Variants in TCF20 observed in about 807,000 individuals in gnomAD.
TCF20 encodes SPRE-binding protein.
Under a neutral mutation model 148.6 loss-of-function variants are expected in TCF20, and 3 were observed. That is an observed-to-expected ratio of 0.02 (90% CI 0.01 to 0.05). TCF20 has a LOEUF of 0.05. Ranked by LOEUF, TCF20 falls within the 10% of genes least tolerant of loss-of-function variation. The pLI is 1.00. For missense variants in TCF20, 2,350 were observed against 2,429.3 expected, an observed-to-expected ratio of 0.97 and a Z score of 0.69; for synonymous variants, 1,049 against 909.5, an observed-to-expected ratio of 1.15 and a Z score of -2.76.
intron 2 of TCF20, among the ~76,000 whole-genome samples, chr22:42,209,076 G>T (rs1007599378): frequency 6.6e-6 from 1 of 152,202 alleles, no homozygotes; most frequent in African/African-American, 2.4e-5. Context: ...GCAAGACAGT[G>T]AGAGAAAAAT....
chr22:42,194,416 T>C (rs1257773074), intron 2 of TCF20, among the ~76,000 whole-genome samples: 4 of 152,170 alleles, frequency 2.6e-5, no homozygotes, highest in Admixed American at 6.5e-5. Flanking sequence ...ACTAAAACAT[T>C]AGTAGTTGAT....
In TCF20 at chr22:42,211,380, T is replaced by C. The variant is rs1484236069; in HGVS notation, c.3926A>G (p.Lys1309Arg). 1.9e-6 allele frequency: 3 copies of C among 1,614,110 alleles called. No homozygotes were observed. Among genetic ancestry groups the C allele is most frequent in the Non-Finnish European group, 2.5e-6 (3 of 1,180,050 alleles). Residue 1309 changes from lysine to arginine, a missense_variant, in exon 2 of 6, where the codon AAG becomes AGG. Lys to Arg is a conservative substitution (Grantham distance 26). Transcript: ENST00000677622. ...YAHLSHSQDI[K>R]SIPKRDSSKD... ...GGAGGAATCTCTCTTAGGGATAGAC[T>C]TGATATCCTGACTGTGAGAAAGATG...
At chr22:42,233,480 T>C (rs564508309) in intron 1 of TCF20, among the ~76,000 whole-genome samples, 2 of 152,342 alleles carry the variant, frequency 1.3e-5, no homozygotes, top group South Asian at 4.1e-4. Context: ...TCCTTCTGCG[T>C]GAATAATACC....
In TCF20 at chr22:42,211,169, C is replaced by G; in HGVS notation, c.4137G>C (p.Thr1379=). ...AAGACAGTATATCATCAAGCGTAAC[C>G]GTGTCTCCCCCAGCCTCCGCACTGT... The part of the protein sequence containing the change: ...SSNSAEAGGD[T]VTLDDILSLK... The change falls in exon 2 of 6, where the codon ACG becomes ACC. Residue 1379 remains threonine (T), a synonymous_variant. Transcript: ENST00000677622. 1 of 1,614,162 alleles carries G rather than the reference C, an allele frequency of 6.2e-7. No individual in the cohort carries two copies. The highest frequency in any genetic ancestry group is 8.5e-7 in the Non-Finnish European group (1 of 1,180,034).
At chr22:42,178,341 G>A (rs907777095) in intron 3 of TCF20, among the ~76,000 whole-genome samples, 2 of 152,144 alleles carry the variant, frequency 1.3e-5, no homozygotes, top group African/African-American at 2.4e-5. Flanking sequence ...CAGAAACACA[G>A]GTCATAACAC....
rs1927291598 is a variant in TCF20 at position 42,299,371 on chromosome 22, A to G, written c.-37+44108T>C. Among the ~76,000 whole-genome samples, 1 of 151,862 alleles carries G rather than the reference A, an allele frequency of 6.6e-6. No homozygotes were observed. Among genetic ancestry groups the G allele is most frequent in the South Asian group, 2.1e-4 (1 of 4,816 alleles). ...GGCACTCTCTCCATCTGCCTCTCACACAGTCCTTACCTTGCTCTCCCTCCC... is the reference window on the plus strand; with the variant it reads ...GGCACTCTCTCCATCTGCCTCTCACGCAGTCCTTACCTTGCTCTCCCTCCC... On this transcript the variant is annotated intron_variant, in intron 1 of 1. Coordinates refer to the TCF20 transcript ENST00000515426. This position sits in a 1 kb window ranked among gnomAD's most constrained non-coding sequence, Gnocchi z 4.1.
intron 1 of TCF20, among the ~76,000 whole-genome samples, chr22:42,310,998 G>T (rs933737618): frequency 1.3e-5 from 2 of 152,218 alleles, no homozygotes; most frequent in Admixed American, 6.5e-5. Flanking sequence ...AAGAAAATAC[G>T]GCCTGGAGGG....
intron 1 of TCF20, among the ~76,000 whole-genome samples, chr22:42,295,045 G>A (rs951897465): frequency 2.0e-5 from 3 of 152,206 alleles, no homozygotes; most frequent in African/African-American, 2.4e-5. Flanking sequence ...CACCAGCCAT[G>A]GGCAAGGGAC....
intron 2 of TCF20, among the ~76,000 whole-genome samples, chr22:42,188,912 G>A (rs2839711): frequency 0.019 from 2,820 of 152,280 alleles, 48 homozygotes; most frequent in Middle Eastern, 0.075. Context: ...ACTTCAGAGC[G>A]CAGACTTAAT....
chr22:42,252,594 G>C (rs1457731607), intron 1 of TCF20, among the ~76,000 whole-genome samples: 1 of 152,040 alleles, frequency 6.6e-6, no homozygotes, highest in Non-Finnish European at 1.5e-5. Flanking sequence ...GGGATTACAG[G>C]CACGCACCAC....
rs117428927 is a variant in TCF20, at chr22:42,169,829, T to C, written c.5799+18A>G. ...TCGATCCCATCCCTGCTGGTAGCTCTTGGGGCCTCTGACTCACCTTGTGCT... is the reference window on the plus strand; with the variant it reads ...TCGATCCCATCCCTGCTGGTAGCTCCTGGGGCCTCTGACTCACCTTGTGCT... On this transcript the variant is annotated intron_variant, in intron 4 of 5. Transcript: ENST00000677622. 1,143 of 1,613,396 alleles carry C rather than the reference T, an allele frequency of 7.1e-4. 11 individuals are homozygous for C. The East Asian group carries it at 0.021, about 29-fold the overall frequency.
At chr22:42,207,776 T>C (rs1938488034) in intron 2 of TCF20, among the ~76,000 whole-genome samples, 2 of 151,994 alleles carry the variant, frequency 1.3e-5, no homozygotes, top group Admixed American at 6.6e-5. Context: ...GATTGCGCCA[T>C]TGCACTCCAG....
chr22:42,287,719 G>C (rs1927056876), upstream of TCF20, among the ~76,000 whole-genome samples: 1 of 152,044 alleles, frequency 6.6e-6, no homozygotes, highest in African/African-American at 2.4e-5. Flanking sequence ...CAAGACCACA[G>C]ACCATTCTAC....
intron 2 of TCF20, among the ~76,000 whole-genome samples, chr22:42,185,181 C>T (rs945029401): frequency 1.3e-5 from 2 of 152,246 alleles, no homozygotes; most frequent in African/African-American, 4.8e-5. Context: ...TATTATAGCA[C>T]ACTGATGACA....
In TCF20 at chr22:42,237,075, C is replaced by T. The variant is rs1481151930; in HGVS notation, c.-36-21734G>A. Among the ~76,000 whole-genome samples, 4 of 152,058 alleles carry T rather than the reference C, an allele frequency of 2.6e-5. No individual in the cohort carries two copies. In the South Asian group the frequency reaches 6.2e-4, roughly 24 times the overall value. On this transcript the variant is annotated intron_variant, in intron 1 of 5. Coordinates refer to ENST00000677622, the MANE Select transcript of TCF20 (RefSeq NM_001378418.1). The stretch of plus-strand genomic sequence containing the variant: ...CAAATAACACACCCATGAAGTCTGA[C>T]GCATCGACTGGCTCTTCCTTTTCTA...
intron 1 of TCF20, among the ~76,000 whole-genome samples, chr22:42,264,893 C>T (rs1319582249): frequency 6.6e-6 from 1 of 152,216 alleles, no homozygotes; most frequent in African/African-American, 2.4e-5. Flanking sequence ...CATTCAGGGA[C>T]ATGACATTCA....
At chr22:42,165,183 T>C (rs1231849001) in intron 5 of TCF20, among the ~76,000 whole-genome samples, 1 of 152,078 alleles carries the variant, frequency 6.6e-6, no homozygotes, top group African/African-American at 2.4e-5. Context: ...TCTGGACCAG[T>C]TTGGGGAAAG....
At chr22:42,244,646 G>T (rs1601652778) in intron 1 of TCF20, among the ~76,000 whole-genome samples, 1 of 152,186 alleles carries the variant, frequency 6.6e-6, no homozygotes, top group Admixed American at 6.5e-5. Context: ...AGGGCAAGGG[G>T]AGTAACTGCT....
intron 2 of TCF20, among the ~76,000 whole-genome samples, chr22:42,202,667 C>T (rs1011460646): frequency 4.6e-5 from 7 of 152,176 alleles, no homozygotes; most frequent in African/African-American, 1.7e-4. Flanking sequence ...TTGAGGGTCC[C>T]GCGAAATTGG....
Sources: allele counts gnomAD v4.1 joint callset (sites outside exome capture counted in the v4.1 genomes callset), GRCh38; gene constraint gnomAD v4.1.1; non-coding constraint Gnocchi (gnomAD v3.1); transcripts MANE v1.5; gene names NCBI Gene and HGNC (gene_info 2026-07-23, HGNC 2026-07-21).